STK25: variants seen among roughly 807,000 people sequenced by gnomAD.
The protein encoded by STK25 is serine/threonine-protein kinase 25.
STK25 carries 29 observed loss-of-function variants against 53.8 expected under a neutral mutation model. The observed-to-expected ratio is 0.54, with a 90% CI of 0.40 to 0.74. The LOEUF (loss-of-function observed/expected upper bound fraction) is 0.74, where lower values mean the gene tolerates loss of function less well. STK25 is among the 30% of genes least tolerant of loss of function. The pLI is 0.00. For synonymous variants in STK25, 247 were observed against 238.3 expected, an observed-to-expected ratio of 1.04 and a Z score of -0.33; for missense variants, 420 against 568.0, an observed-to-expected ratio of 0.74 and a Z score of 2.65.
Position 241,493,897 on chromosome 2 carries a change from C to G in STK25, c.*1765G>C. The stretch of plus-strand genomic sequence containing the variant: ...TAGGCATGAGCCACCGCACCCGGCC[C>G]CAGGTTTTTAACCCTTCTTTTGTCC... On this transcript the variant is annotated 3_prime_UTR_variant, in exon 12 of 12. Transcript: ENST00000316586. 1.5e-6 allele frequency: 1 copy of G among 663,104 alleles called. No individual in the cohort carries two copies. The highest frequency in any genetic ancestry group is 2.9e-5 in the Admixed American group (1 of 34,512). The allele number at this position is 663,104 out of a possible 1,614,324, so 41.1% of individuals were successfully genotyped here.
Position 241,498,676 on chromosome 2 carries a change from CCT to C in STK25, c.878_879del (p.Glu293GlyfsTer9). 1 of 1,614,070 alleles carries C rather than the reference CCT, an allele frequency of 6.2e-7. No homozygotes were observed. The highest frequency in any genetic ancestry group is 8.5e-7 in the Non-Finnish European group (1 of 1,180,004). On this transcript the variant is annotated frameshift_variant, in exon 8 of 12. Transcript: ENST00000316586. LOFTEE classifies it high-confidence loss of function. ...TCAGAGCTGGACTCCTCGCCATGCC[CCT>C]CTGACTTCCAGCGCTTATAGCGGTC... ...LIDRYKRWKS[E>X]GHGEESSSED...
chr2:241,508,810 G>C (rs2066014474), upstream of STK25: 1 of 933,526 alleles, frequency 1.1e-6, no homozygotes, highest in Non-Finnish European at 1.3e-6. Context: ...GGCAGGCCGC[G>C]CGCCTGGGCG....
In STK25 at chr2:241,498,937, G is replaced by C. The variant is rs540453734; in HGVS notation, c.771+52C>G. 3.7e-6 allele frequency: 6 copies of C among 1,611,518 alleles called. No homozygotes were observed. In the South Asian group the frequency reaches 6.6e-5, roughly 18 times the overall value. Reference sequence around the variant, plus strand: ...GCTGTGCCGCCCACCCCAAGCGAACGCCCTCCCTCCACGTCCTGTCTAGAA... The same window carrying C: ...GCTGTGCCGCCCACCCCAAGCGAACCCCCTCCCTCCACGTCCTGTCTAGAA... On this transcript the variant is annotated intron_variant, in intron 7 of 11. Coordinates refer to ENST00000316586, the MANE Select transcript of STK25 (RefSeq NM_001271977.2).
intron 1 of STK25, 136 bp downstream of exon 1, chr2:241,508,307 G>A (rs2065982051): frequency 2.4e-6 from 3 of 1,245,822 alleles, no homozygotes; most frequent in East Asian, 3.5e-5. Flanking sequence ...CCCTCCCGTC[G>A]CCGCCCCCAC....
At chr2:241,505,257 C>T (rs1479075823) in intron 2 of STK25, among the ~76,000 whole-genome samples, 1 of 152,130 alleles carries the variant, frequency 6.6e-6, no homozygotes, top group African/African-American at 2.4e-5. Flanking sequence ...CCCATCAACG[C>T]TTACTCGGGG....
chr2:241,500,154 C>A lies in STK25; in HGVS notation c.427+19G>T. ...GGGGCTCAGGACGTTACAAGAGCCA[C>A]ATCCACCCCCAGCAGGACCTTTGAT... On this transcript the variant is annotated intron_variant, in intron 5 of 11. Coordinates refer to ENST00000316586, the MANE Select transcript of STK25 (RefSeq NM_001271977.2). The A allele has an allele frequency of 6.2e-7, 1 of 1,604,730 alleles. No individual in the cohort carries two copies. The highest frequency in any genetic ancestry group is 8.5e-7 in the Non-Finnish European group (1 of 1,171,560).
In STK25 at chr2:241,500,154, C is replaced by T. The variant is rs531435087; in HGVS notation, c.427+19G>A. Reference sequence around the variant, plus strand: ...GGGGCTCAGGACGTTACAAGAGCCACATCCACCCCCAGCAGGACCTTTGAT... The same window carrying T: ...GGGGCTCAGGACGTTACAAGAGCCATATCCACCCCCAGCAGGACCTTTGAT... On this transcript the variant is annotated intron_variant, in intron 5 of 11. Coordinates refer to ENST00000316586, the MANE Select transcript of STK25 (RefSeq NM_001271977.2). 214 of 1,604,730 alleles carry T rather than the reference C, an allele frequency of 1.3e-4. 2 individuals are homozygous for T. In the South Asian group the frequency reaches 2.3e-3, roughly 17 times the overall value.
At chr2:241,503,349 G>A (rs546642225) in intron 2 of STK25, among the ~76,000 whole-genome samples, 4 of 151,982 alleles carry the variant, frequency 2.6e-5, no homozygotes, top group African/African-American at 7.2e-5. Flanking sequence ...ACAGGCGTGA[G>A]CCACCACGCA....
intron 2 of STK25, among the ~76,000 whole-genome samples, chr2:241,506,152 G>C (rs926129363): frequency 6.6e-6 from 1 of 152,248 alleles, no homozygotes; most frequent in Non-Finnish European, 1.5e-5. Flanking sequence ...ACAGGCTATG[G>C]GGGGAACGCG....
Position 241,501,384 on chromosome 2 carries a change from G to A in STK25, c.261+94C>T, listed in dbSNP as rs576894509. On this transcript the variant is annotated intron_variant, in intron 3 of 11. Coordinates refer to ENST00000316586, the MANE Select transcript of STK25 (RefSeq NM_001271977.2). This position sits in a 1 kb window ranked among gnomAD's most constrained non-coding sequence, Gnocchi z 5.3. ...GGGCATGCACTGAACCGTCAAGACC[G>A]CCTTGCACCCTCTGGCATGTCACTC... The A allele has an allele frequency of 1.4e-5, 18 of 1,304,930 alleles. No homozygotes were observed. Among genetic ancestry groups the A allele is most frequent in the South Asian group, 8.8e-5 (7 of 79,672 alleles). The allele number at this position is 1,304,930 out of a possible 1,614,324, so 80.8% of individuals were successfully genotyped here. A position where few individuals can be genotyped will look rare whatever the true frequency, so the allele number is the denominator to read the frequency against.
At chr2:241,497,442 A>T in intron 10 of STK25, 174 bp downstream of exon 10, 1 of 648,562 alleles carries the variant, frequency 1.5e-6, no homozygotes, top group South Asian at 2.0e-5. Flanking sequence ...GTACAAAAGG[A>T]GTCATTGCAG....
At position 241,496,305 on chromosome 2, in the gene STK25, C is replaced by T; in HGVS notation, c.1241+93G>A. The stretch of plus-strand genomic sequence containing the variant: ...AAGCGAGCCCATGTAGTGCCAAATG[C>T]AGCCACACCCACGAGTGAGCACTGG... On this transcript the variant is annotated intron_variant, in intron 11 of 11. Transcript: ENST00000316586. This position sits in a 1 kb window ranked among gnomAD's most constrained non-coding sequence, Gnocchi z 5.8. 6.8e-7 allele frequency: 1 copy of T among 1,475,308 alleles called. No homozygotes were observed. The highest frequency in any genetic ancestry group is 9.2e-7 in the Non-Finnish European group (1 of 1,084,716). 91.4% of individuals were successfully genotyped at this position (1,475,308 alleles called of 1,614,324 possible). A position where few individuals can be genotyped will look rare whatever the true frequency, so the allele number is the denominator to read the frequency against.
In STK25 at chr2:241,493,235, T is replaced by C; in HGVS notation, c.*2427A>G. 6.3e-7 allele frequency: 1 copy of C among 1,576,768 alleles called. No individual in the cohort carries two copies. Among genetic ancestry groups the C allele is most frequent in the Non-Finnish European group, 8.7e-7 (1 of 1,150,384 alleles). On this transcript the variant is annotated 3_prime_UTR_variant, in exon 12 of 12. Transcript: ENST00000316586. ...CACCGTTGTGCAGGTAGCAGAGGAATGGGCATTCCCTGTGGCAACCCAGCC... is the reference window on the plus strand; with the variant it reads ...CACCGTTGTGCAGGTAGCAGAGGAACGGGCATTCCCTGTGGCAACCCAGCC...
chr2:241,507,700 G>C (rs765571429), intron 2 of STK25, among the ~76,000 whole-genome samples: 1 of 152,230 alleles, frequency 6.6e-6, no homozygotes, highest in African/African-American at 2.4e-5. Flanking sequence ...CCCGCGCTGG[G>C]GGCAGCGCCC....
chr2:241,500,214 TC>T lies in STK25; in HGVS notation c.385del (p.Asp129IlefsTer26). The stretch of plus-strand genomic sequence containing the variant: ...GATCTTGCGTTCGGAGTGCAGATAA[TC>T]CAGGCCCTTCAGAATCTCCCGCAGG... Reference protein sequence around the residue: ...TILREILKGLDYLHSERKIHR... With the variant: ...TILREILKGLXYLHSERKIHR... On this transcript the variant is annotated frameshift_variant, in exon 5 of 12. Coordinates refer to ENST00000316586, the MANE Select transcript of STK25 (RefSeq NM_001271977.2). LOFTEE classifies it high-confidence loss of function. 1 of 1,613,926 alleles carries T rather than the reference TC, an allele frequency of 6.2e-7. No individual in the cohort carries two copies. Among genetic ancestry groups the T allele is most frequent in the Non-Finnish European group, 8.5e-7 (1 of 1,179,986 alleles).
chr2:241,508,836 CGTT>C (rs2066015256), upstream of STK25: 1 of 816,774 alleles, frequency 1.2e-6, no homozygotes, highest in Non-Finnish European at 1.5e-6. Context: ...GGCACGTGGT[CGTT>C]GTCGCGTCGC....
chr2:241,507,553 C>T (rs530228016), intron 2 of STK25, among the ~76,000 whole-genome samples: 10 of 152,346 alleles, frequency 6.6e-5, no homozygotes, highest in African/African-American at 1.2e-4. Context: ...ACAATCTCAG[C>T]CCCTCAGCGC....
At chr2:241,500,591 A>T in intron 4 of STK25, 149 bp downstream of exon 4, 1 of 853,688 alleles carries the variant, frequency 1.2e-6, no homozygotes, top group Non-Finnish European at 1.9e-6. Flanking sequence ...AGACGTGCAG[A>T]TGGCAGTTCA....
Position 241,494,233 on chromosome 2 carries a change from G to C in STK25, c.*1429C>G. On this transcript the variant is annotated 3_prime_UTR_variant, in exon 12 of 12. Coordinates refer to ENST00000316586, the MANE Select transcript of STK25 (RefSeq NM_001271977.2). This position sits in a 1 kb window ranked among gnomAD's most constrained non-coding sequence, Gnocchi z 4.9. ...ATGGGAAGTGGCTGTGGTCTCACTG[G>C]ATCCCCACTGGCACCAGCAGTGTGG... 1 of 595,894 alleles carries C rather than the reference G, an allele frequency of 1.7e-6. No individual in the cohort carries two copies. Among genetic ancestry groups the C allele is most frequent in the African/African-American group, 1.9e-5 (1 of 52,304 alleles). The allele number at this position is 595,894 out of a possible 1,614,324, so 36.9% of individuals were successfully genotyped here.
Sources: gnomAD v4.1 joint callset for allele counts (sites outside exome capture counted in the v4.1 genomes callset) on GRCh38, gnomAD v4.1.1 for gene constraint, Gnocchi (gnomAD v3.1) non-coding constraint, MANE v1.5 for transcripts, NCBI Gene and HGNC (gene_info 2026-07-23, HGNC 2026-07-21) for gene names.